The following WDR41 variants were observed in gnomAD, a reference collection of about 807,000 sequenced individuals.
WDR41 encodes the protein WD repeat-containing protein 41.
Under a neutral mutation model 69.3 loss-of-function variants are expected in WDR41, and 63 were observed. The ratio of observed to expected loss-of-function variants is 0.91; its 90% CI spans 0.74 to 1.12. The LOEUF (loss-of-function observed/expected upper bound fraction) is 1.12, where lower values mean the gene tolerates loss of function less well. Ranked by LOEUF, WDR41 falls within the 50% of genes most tolerant of loss-of-function variation. The pLI is 0.00. For missense variants in WDR41, 543 were observed against 534.5 expected (o/e 1.02, Z -0.16); for synonymous variants, 185 against 192.1 (o/e 0.96, Z 0.31).
chr5:77,539,279 C>A (rs1425929068), intron 1 of WDR41, among the ~76,000 whole-genome samples: 1 of 152,164 alleles, frequency 6.6e-6, no homozygotes, highest in South Asian at 2.1e-4. Context: ...TGGAAATTAG[C>A]CTTCTATAAA....
chr5:77,517,575 TC>T (rs142268868), intron 1 of WDR41, among the ~76,000 whole-genome samples: 1 of 151,428 alleles, frequency 6.6e-6, no homozygotes, highest in African/African-American at 2.4e-5. Context: ...ATATATCTTT[TC>T]TGTTGGGACA....
intron 1 of WDR41, among the ~76,000 whole-genome samples, chr5:77,577,255 A>C: frequency 6.6e-6 from 1 of 152,142 alleles, no homozygotes; most frequent in Admixed American, 6.6e-5. Context: ...AATTTGTACC[A>C]CAATGTAAAA....
At chr5:77,485,050 C>A (rs1801449724) in intron 2 of WDR41, among the ~76,000 whole-genome samples, 1 of 152,222 alleles carries the variant, frequency 6.6e-6, no homozygotes, top group Non-Finnish European at 1.5e-5. Flanking sequence ...GCAGCCTTTC[C>A]TCCAGCGGTC....
At chr5:77,475,136 T>C (rs902943275) in intron 2 of WDR41, among the ~76,000 whole-genome samples, 3 of 152,116 alleles carry the variant, frequency 2.0e-5, no homozygotes, top group Admixed American at 1.3e-4. Context: ...CACCAGGAGA[T>C]TATATCCTGC....
intron 1 of WDR41, among the ~76,000 whole-genome samples, chr5:77,568,280 G>A (rs1301904432): frequency 2.0e-5 from 3 of 152,132 alleles, no homozygotes; most frequent in African/African-American, 7.2e-5. Flanking sequence ...GCCAAACCAC[G>A]ACAAGGGCTA....
chr5:77,543,583 T>A (rs751945852), intron 1 of WDR41, among the ~76,000 whole-genome samples: 9 of 152,028 alleles, frequency 5.9e-5, no homozygotes, highest in African/African-American at 2.2e-4. Flanking sequence ...GGTCTTTGAA[T>A]TAACCCAATC....
chr5:77,484,027 TGAGA>T (rs1801404389), intron 2 of WDR41, among the ~76,000 whole-genome samples: 1 of 152,212 alleles, frequency 6.6e-6, no homozygotes. Context: ...ATTTTGTAGT[TGAGA>T]GAGACTGATT....
intron 1 of WDR41, among the ~76,000 whole-genome samples, chr5:77,541,148 T>C (rs1050724206): frequency 2.0e-5 from 3 of 152,158 alleles, no homozygotes; most frequent in African/African-American, 7.2e-5. Context: ...TGTAGATATG[T>C]CATCAGAGTG....
intron 1 of WDR41, among the ~76,000 whole-genome samples, chr5:77,500,329 C>A (rs1393225976): frequency 6.6e-6 from 1 of 151,802 alleles, no homozygotes; most frequent in Non-Finnish European, 1.5e-5. Flanking sequence ...GAACTAATAG[C>A]AGAATGGAGA....
intron 4 of WDR41, among the ~76,000 whole-genome samples, chr5:77,460,537 G>A (rs1165602069): frequency 2.0e-5 from 3 of 152,052 alleles, no homozygotes; most frequent in African/African-American, 7.2e-5. Context: ...ATTTAATTAA[G>A]GAAGTTAGTT....
At position 77,431,234 on chromosome 5, in the gene WDR41, G is replaced by A. The variant is rs141012187; in HGVS notation, c.*1901C>T. On this transcript the variant is annotated 3_prime_UTR_variant, in exon 13 of 13. Coordinates refer to ENST00000296679, the MANE Select transcript of WDR41 (RefSeq NM_018268.4). ...GTCAATTGATTTGGAAAACTTCATC[G>A]CTATCTTATTTTAAGGAACTGCCAC... 9 of 152,278 alleles carry A rather than the reference G, an allele frequency of 5.9e-5. No homozygotes were observed. Among genetic ancestry groups the A allele is most frequent in the East Asian group, 1.9e-4 (1 of 5,176 alleles). The allele number at this position is 152,278 out of a possible 1,614,324, so 9.4% of individuals were successfully genotyped here.
At chr5:77,590,768 T>C (rs1017543009) in intron 1 of WDR41, among the ~76,000 whole-genome samples, 2 of 152,214 alleles carry the variant, frequency 1.3e-5, no homozygotes, top group African/African-American at 2.4e-5. Context: ...CAACAACTTA[T>C]GCTAAGTAAA....
intron 1 of WDR41, among the ~76,000 whole-genome samples, chr5:77,522,020 C>G (rs750684098): frequency 6.6e-6 from 1 of 152,190 alleles, no homozygotes; most frequent in Non-Finnish European, 1.5e-5. Flanking sequence ...CCTCATAAGT[C>G]TGAAACAATT....
At chr5:77,475,181 C>T (rs183452691) in intron 2 of WDR41, among the ~76,000 whole-genome samples, 42 of 152,324 alleles carry the variant, frequency 2.8e-4, no homozygotes, top group African/African-American at 9.4e-4. Context: ...CACAGAGTCT[C>T]GCTAATTGCT....
rs372831856 is a variant in WDR41 at position 77,464,494 on chromosome 5, G to C, written c.216+267C>G. 3.3e-5 allele frequency among the ~76,000 whole-genome samples: 5 copies of C among 151,468 alleles called. No homozygotes were observed. In the East Asian group the frequency reaches 9.7e-4, roughly 29 times the overall value. On this transcript the variant is annotated intron_variant, in intron 3 of 12. Coordinates refer to ENST00000296679, the MANE Select transcript of WDR41 (RefSeq NM_018268.4). ...ACTCCTGGCCCCAAGTTATCCGTTCGCCTTGGCCTCCCAAAGTCCTGGGAT... is the reference window on the plus strand; with the variant it reads ...ACTCCTGGCCCCAAGTTATCCGTTCCCCTTGGCCTCCCAAAGTCCTGGGAT...
intron 1 of WDR41, among the ~76,000 whole-genome samples, chr5:77,596,249 G>A (rs924553814): frequency 5.3e-5 from 8 of 152,154 alleles, no homozygotes; most frequent in African/African-American, 1.9e-4. Flanking sequence ...CCAGGTTCAA[G>A]TGACTCTCCT....
intron 1 of WDR41, among the ~76,000 whole-genome samples, chr5:77,579,525 C>T (rs1260601874): frequency 6.6e-6 from 1 of 151,412 alleles, no homozygotes; most frequent in African/African-American, 2.5e-5. Flanking sequence ...ACAACATGTT[C>T]AAAGTGCTAA....
intron 9 of WDR41, among the ~76,000 whole-genome samples, chr5:77,439,996 TTCCTA>T (rs1799095239): frequency 6.6e-6 from 1 of 152,204 alleles, no homozygotes; most frequent in South Asian, 2.1e-4. Flanking sequence ...CTAAGTCCTG[TTCCTA>T]TCCTAATCTT....
At chr5:77,480,624 T>C (rs889868970) in intron 2 of WDR41, among the ~76,000 whole-genome samples, 2 of 136,292 alleles carry the variant, frequency 1.5e-5, no homozygotes, top group Non-Finnish European at 3.0e-5. Context: ...AACTGAACAA[T>C]GAGAACACAT....
Sources: allele counts gnomAD v4.1 joint callset (sites outside exome capture counted in the v4.1 genomes callset), GRCh38; gene constraint gnomAD v4.1.1; transcripts MANE v1.5; gene names NCBI Gene and HGNC (gene_info 2026-07-23, HGNC 2026-07-21).